RANBP17: variants seen among roughly 807,000 people sequenced by gnomAD.
RANBP17 encodes the protein ran-binding protein 17.
Under a neutral mutation model 141.2 loss-of-function variants are expected in RANBP17, and 158 were observed. The observed-to-expected ratio is 1.12, with a 90% CI of 0.98 to 1.28. The LOEUF is 1.28. Among genes scored for constraint, RANBP17 ranks in the 50% most tolerant of loss-of-function variants. RANBP17 has a pLI of 0.00. For missense variants in RANBP17, 1,438 were observed against 1,290.7 expected (o/e 1.11, Z -1.75); for synonymous variants, 430 against 450.0 (o/e 0.96, Z 0.56).
At chr5:171,111,360 T>C (rs1299808193) in intron 14 of RANBP17, among the ~76,000 whole-genome samples, 1 of 152,170 alleles carries the variant, frequency 6.6e-6, no homozygotes, top group African/African-American at 2.4e-5. Context: ...GATGTGGAAG[T>C]CATCTGGATG....
chr5:170,983,777 C>T (rs548559768), intron 14 of RANBP17, among the ~76,000 whole-genome samples: 12 of 152,104 alleles, frequency 7.9e-5, no homozygotes, highest in African/African-American at 2.2e-4. Flanking sequence ...TAATGGTAAG[C>T]GTTTGGTGCC....
chr5:171,110,223 T>C (rs1280432839), intron 14 of RANBP17, among the ~76,000 whole-genome samples: 1 of 152,046 alleles, frequency 6.6e-6, no homozygotes, highest in African/African-American at 2.4e-5. Flanking sequence ...TTTATACTCT[T>C]AGGCTTCGGT....
At chr5:171,083,106 T>G (rs769376288) in intron 14 of RANBP17, among the ~76,000 whole-genome samples, 2 of 152,192 alleles carry the variant, frequency 1.3e-5, no homozygotes, top group Non-Finnish European at 2.9e-5. Context: ...ATCTTCTTGG[T>G]AAATATCAAA....
intron 14 of RANBP17, among the ~76,000 whole-genome samples, chr5:171,062,430 G>A (rs1426137101): frequency 6.6e-6 from 1 of 152,106 alleles, no homozygotes; most frequent in Non-Finnish European, 1.5e-5. Context: ...GCTTAGTTTG[G>A]CTGGATATGA....
chr5:171,016,277 A>G (rs867541243), intron 14 of RANBP17, among the ~76,000 whole-genome samples: 8 of 151,840 alleles, frequency 5.3e-5, no homozygotes, highest in South Asian at 4.2e-4. Context: ...AAGAGGGTCA[A>G]TACTCCCTGT....
At chr5:170,943,191 T>G (rs201431299) in intron 12 of RANBP17, among the ~76,000 whole-genome samples, 58 of 152,178 alleles carry the variant, frequency 3.8e-4, no homozygotes, top group Non-Finnish European at 4.6e-4. Context: ...TGTAGTAGTA[T>G]TAGTTTTTTT....
chr5:171,087,224 C>G (rs1453494244), intron 14 of RANBP17, among the ~76,000 whole-genome samples: 1 of 151,828 alleles, frequency 6.6e-6, no homozygotes, highest in Non-Finnish European at 1.5e-5. Context: ...GTTATGTACC[C>G]AGTAGTCATT....
chr5:170,958,026 A>G (rs1454858930), intron 13 of RANBP17, among the ~76,000 whole-genome samples: 1 of 152,192 alleles, frequency 6.6e-6, no homozygotes, highest in African/African-American at 2.4e-5. Context: ...ATGAGAACCA[A>G]CTATGTAAGG....
intron 14 of RANBP17, among the ~76,000 whole-genome samples, chr5:170,995,623 T>C (rs1198398156): frequency 6.6e-6 from 1 of 152,170 alleles, no homozygotes; most frequent in African/African-American, 2.4e-5. Context: ...TACAGCCATA[T>C]GATGAAATAT....
chr5:171,037,795 A>G (rs1210741612), intron 14 of RANBP17, among the ~76,000 whole-genome samples: 2 of 152,274 alleles, frequency 1.3e-5, no homozygotes, highest in East Asian at 3.9e-4. Context: ...TTTTTGTACC[A>G]TTAACATGCT....
At chr5:171,188,637 A>G (rs1312242000) in intron 18 of RANBP17, among the ~76,000 whole-genome samples, 1 of 152,228 alleles carries the variant, frequency 6.6e-6, no homozygotes, top group Non-Finnish European at 1.5e-5. Context: ...TATCTGGAGG[A>G]GAGTTTTTAA....
intron 14 of RANBP17, among the ~76,000 whole-genome samples, chr5:171,069,980 T>C (rs1784541272): frequency 6.6e-6 from 1 of 152,312 alleles, no homozygotes; most frequent in African/African-American, 2.4e-5. Context: ...AAAGGTAATA[T>C]AATATTATCA....
chr5:171,016,394 G>C (rs932767461), intron 14 of RANBP17, among the ~76,000 whole-genome samples: 16 of 151,928 alleles, frequency 1.1e-4, no homozygotes, highest in Admixed American at 7.2e-4. Context: ...TAAGTGAGAG[G>C]CTGAGTTTTG....
At chr5:171,214,813 G>A (rs1349160423) in intron 21 of RANBP17, among the ~76,000 whole-genome samples, 1 of 151,560 alleles carries the variant, frequency 6.6e-6, no homozygotes, top group African/African-American at 2.4e-5. Context: ...ATTACTGATA[G>A]AACATTTAAT....
chr5:171,029,011 T>A, intron 14 of RANBP17: 1 of 1,100,174 alleles, frequency 9.1e-7, no homozygotes, highest in Non-Finnish European at 1.2e-6. Context: ...TCAGTCTATA[T>A]GTTAAGCCAG....
chr5:171,203,432 G>A (rs2127958436), intron 19 of RANBP17, among the ~76,000 whole-genome samples: 1 of 152,184 alleles, frequency 6.6e-6, no homozygotes, highest in East Asian at 1.9e-4. Context: ...CTGCTGCTTT[G>A]AGATAAAAGA....
At chr5:171,117,233 A>T (rs1755700074) in intron 14 of RANBP17, among the ~76,000 whole-genome samples, 1 of 152,128 alleles carries the variant, frequency 6.6e-6, no homozygotes, top group Non-Finnish European at 1.5e-5. Context: ...TATTTGTAGT[A>T]TTTTGAGGAA....
rs186615867 is a variant in RANBP17 at position 170,933,898 on chromosome 5, G to A, written c.1468+9348G>A. On this transcript the variant is annotated intron_variant, in intron 12 of 27. Transcript: ENST00000523189. ...AGAAGAATGTATATTCTGTTGATTT[G>A]GGGTGGAGCGTTCTGTAGATGTCTA... Among the ~76,000 whole-genome samples the A allele has an allele frequency of 6.5e-3, 989 of 152,242 alleles. 11 individuals are homozygous for A. Among genetic ancestry groups the A allele is most frequent in the African/African-American group, 0.023 (939 of 41,530 alleles).
At chr5:171,092,338 A>G (rs1471575766) in intron 14 of RANBP17, among the ~76,000 whole-genome samples, 3 of 152,222 alleles carry the variant, frequency 2.0e-5, no homozygotes, top group African/African-American at 4.8e-5. Context: ...AAACTGATCT[A>G]TGACTACAAA....
Sources: gnomAD v4.1 joint callset for allele counts (sites outside exome capture counted in the v4.1 genomes callset) on GRCh38, gnomAD v4.1.1 for gene constraint, MANE v1.5 for transcripts, NCBI Gene and HGNC (gene_info 2026-07-23, HGNC 2026-07-21) for gene names.